Variants in LCORL observed in about 807,000 individuals in gnomAD.
LCORL encodes the protein ligand-dependent nuclear receptor corepressor-like protein.
Under a neutral mutation model 141.8 loss-of-function variants are expected in LCORL, and 41 were observed. The ratio of observed to expected loss-of-function variants is 0.29; its 90% CI spans 0.23 to 0.38. The LOEUF (loss-of-function observed/expected upper bound fraction) is 0.38. LCORL is among the 10% of genes least tolerant of loss of function. The pLI, the probability that LCORL is intolerant of heterozygous loss-of-function variation, is 1.00. For synonymous variants in LCORL, 618 were observed against 694.1 expected (o/e 0.89, Z 1.72); for missense variants, 1,759 against 2,035.0 (o/e 0.86, Z 2.61).
intron 1 of LCORL, among the ~76,000 whole-genome samples, chr4:18,009,991 G>A (rs1393830073): frequency 2.0e-5 from 3 of 152,056 alleles, no homozygotes; most frequent in Admixed American, 6.6e-5. Context: ...GTTCAGAAAG[G>A]GAGGAGGAAG....
chr4:18,000,320 T>C (rs978595451), intron 1 of LCORL, among the ~76,000 whole-genome samples: 1 of 152,156 alleles, frequency 6.6e-6, no homozygotes, highest in Non-Finnish European at 1.5e-5. Context: ...CATAAATGCT[T>C]ATGATAAAGG....
At chr4:17,922,807 G>A (rs1444608314) in intron 4 of LCORL, among the ~76,000 whole-genome samples, 1 of 152,168 alleles carries the variant, frequency 6.6e-6, no homozygotes, top group African/African-American at 2.4e-5. Flanking sequence ...GGAACACTGA[G>A]CTCCTAAATT....
At chr4:17,932,600 T>C (rs1284378709) in intron 4 of LCORL, among the ~76,000 whole-genome samples, 1 of 152,210 alleles carries the variant, frequency 6.6e-6, no homozygotes, top group African/African-American at 2.4e-5. Flanking sequence ...ATCACTCCTT[T>C]TGCCATTTAT....
chr4:17,893,220 G>A (rs1344686736), intron 5 of LCORL: 1 of 271,162 alleles, frequency 3.7e-6, no homozygotes. Context: ...ACTTTCAACA[G>A]CATTATACAT....
chr4:17,908,352 A>C (rs998465927), intron 5 of LCORL, among the ~76,000 whole-genome samples: 1 of 152,214 alleles, frequency 6.6e-6, no homozygotes, highest in Non-Finnish European at 1.5e-5. Flanking sequence ...ATTCTTCTTA[A>C]GAGCCCCAAA....
rs187224233 is a variant in LCORL at position 17,987,968 on chromosome 4, T to C, written c.155-15083A>G. On this transcript the variant is annotated intron_variant, in intron 1 of 7. Coordinates refer to ENST00000635767, the Ensembl canonical transcript of LCORL. ...GATACAGGATGATATGGTTTGGCTC[T>C]GTGTCCCCACCCAAATCTCATCTTG... is the stretch of plus-strand genomic sequence containing the variant. Among the ~76,000 whole-genome samples the C allele has an allele frequency of 6.7e-3, 1,016 of 152,334 alleles. 15 individuals are homozygous for C. The highest frequency in any genetic ancestry group is 0.024 in the African/African-American group (978 of 41,568).
At chr4:17,958,643 G>C (rs773565827) in intron 4 of LCORL, among the ~76,000 whole-genome samples, 2 of 151,866 alleles carry the variant, frequency 1.3e-5, no homozygotes, top group Non-Finnish European at 2.9e-5. Context: ...AGCAGAGAAA[G>C]GTTAACTATA....
At chr4:17,888,254 T>C (rs1288579879) in intron 5 of LCORL, among the ~76,000 whole-genome samples, 3 of 152,062 alleles carry the variant, frequency 2.0e-5, no homozygotes, top group East Asian at 1.9e-4. Context: ...GTCCACAGAT[T>C]AGAAGGGTAA....
intron 7 of LCORL, among the ~76,000 whole-genome samples, chr4:17,847,392 T>C (rs924118544): frequency 2.6e-5 from 4 of 152,148 alleles, no homozygotes; most frequent in African/African-American, 9.7e-5. Flanking sequence ...AACCAACTCA[T>C]ATGCCATTCA....
chr4:17,843,335 G>A, exon 8 of LCORL: 1 of 1,611,868 alleles, frequency 6.2e-7, no homozygotes, highest in Non-Finnish European at 8.5e-7. Flanking sequence ...AATCAGAAAT[G>A]AAGATGAGAC....
intron 1 of LCORL, among the ~76,000 whole-genome samples, chr4:18,020,368 GC>G: frequency 6.6e-6 from 1 of 151,918 alleles, no homozygotes; most frequent in East Asian, 1.9e-4. Context: ...AGATTCACTC[GC>G]CAGTAGAGCA....
intron 4 of LCORL, among the ~76,000 whole-genome samples, chr4:17,940,412 T>C (rs961888716): frequency 4.7e-5 from 7 of 147,752 alleles, no homozygotes; most frequent in Middle Eastern, 3.6e-3. Flanking sequence ...ACAAACTATA[T>C]TAAAATAGTT....
intron 4 of LCORL, among the ~76,000 whole-genome samples, chr4:17,923,798 C>T (rs1192189765): frequency 6.6e-6 from 1 of 152,110 alleles, no homozygotes; most frequent in African/African-American, 2.4e-5. Context: ...CTCATCCCAG[C>T]TGGGAGGGTC....
chr4:17,958,396 C>G (rs985389350), intron 4 of LCORL, among the ~76,000 whole-genome samples: 1 of 151,772 alleles, frequency 6.6e-6, no homozygotes, highest in Non-Finnish European at 1.5e-5. Context: ...CAATTTAGTC[C>G]AGTCCAGCAG....
chr4:17,909,144 C>T (rs758780701), exon 5 of LCORL: 3 of 1,612,904 alleles, frequency 1.9e-6, no homozygotes, highest in Non-Finnish European at 1.7e-6. Context: ...GTCTAAGGGG[C>T]CTTCCTGCTC....
At chr4:17,918,314 G>A (rs1355749011) in intron 4 of LCORL, among the ~76,000 whole-genome samples, 1 of 152,046 alleles carries the variant, frequency 6.6e-6, no homozygotes, top group Non-Finnish European at 1.5e-5. Flanking sequence ...TATGGGACAT[G>A]CAAAGACATA....
exon 8 of LCORL, chr4:17,844,923 T>C (rs532845379): frequency 6.6e-6 from 1 of 152,086 alleles, no homozygotes; most frequent in Non-Finnish European, 1.5e-5. Context: ...TTGCTGAAAC[T>C]GTGCTTTGCA....
chr4:17,992,863 C>T (rs529222828), intron 1 of LCORL, among the ~76,000 whole-genome samples: 110 of 152,276 alleles, frequency 7.2e-4, no homozygotes, highest in Non-Finnish European at 1.4e-3. Flanking sequence ...TAGAATTTTG[C>T]TATTAAGCAC....
intron 2 of LCORL, among the ~76,000 whole-genome samples, chr4:17,968,247 CCAA>C (rs1715298691): frequency 6.6e-6 from 1 of 152,066 alleles, no homozygotes; most frequent in African/African-American, 2.4e-5. Context: ...TACATTTGCA[CCAA>C]CTTAAACATA....
Sources: gnomAD v4.1 joint callset for allele counts (sites outside exome capture counted in the v4.1 genomes callset) on GRCh38, gnomAD v4.1.1 for gene constraint, MANE v1.5 for transcripts, NCBI Gene and HGNC (gene_info 2026-07-23, HGNC 2026-07-21) for gene names.